Variants in UBR4 observed in about 807,000 individuals in gnomAD.
UBR4 encodes ubiquitin protein ligase E3 component n-recognin 4, also known as E3 ubiquitin-protein ligase UBR4.
Under a neutral mutation model 575.6 loss-of-function variants are expected in UBR4, and 124 were observed. That is an observed-to-expected ratio of 0.22 (90% CI 0.19 to 0.25). The LOEUF (loss-of-function observed/expected upper bound fraction) is 0.25. UBR4 is among the 10% of genes least tolerant of loss of function. The pLI, the probability that UBR4 is intolerant of heterozygous loss-of-function variation, is 1.00. For missense variants in UBR4, 4,818 were observed against 6,478.8 expected (o/e 0.74, Z 8.80); for synonymous variants, 2,455 against 2,473.7 (o/e 0.99, Z 0.22).
At chr1:19,121,697 C>T (rs2081196714) in intron 67 of UBR4, among the ~76,000 whole-genome samples, 1 of 152,208 alleles carries the variant, frequency 6.6e-6, no homozygotes, top group Admixed American at 6.5e-5. Context: ...ACTTTACTGC[C>T]ACTACCTGGA....
At chr1:19,099,828 C>G in intron 89 of UBR4, 151 bp from the exon 90 acceptor site, 1 of 654,958 alleles carries the variant, frequency 1.5e-6, no homozygotes, top group Non-Finnish European at 2.5e-6. Flanking sequence ...AAAATCCGCA[C>G]GTATGAAAAA....
Position 19,157,099 on chromosome 1 carries a change from T to C in UBR4, c.5761-174A>G, listed in dbSNP as rs10753518. The stretch of plus-strand genomic sequence containing the variant: ...GTCTCTATTACTCCTGGCTAAAAGC[T>C]ATGGAATGTATTTCCATGGAGGACA... On this transcript the variant is annotated intron_variant, in intron 40 of 105. Coordinates refer to ENST00000375254, the MANE Select transcript of UBR4 (RefSeq NM_020765.3). This position sits in a 1 kb window ranked among gnomAD's most constrained non-coding sequence, Gnocchi z 4.4. Among the ~76,000 whole-genome samples the C allele has an allele frequency of 0.48, 72,545 of 152,076 alleles. 17,918 individuals carry two copies. Among genetic ancestry groups the C allele is most frequent in the East Asian group, 0.8 (4,133 of 5,170 alleles).
In UBR4 at chr1:19,110,629, T is replaced by C. The variant is rs1439799949; in HGVS notation, c.11892+113A>G. The C allele has an allele frequency of 2.2e-6, 3 of 1,395,178 alleles. No homozygotes were observed. The East Asian group carries it at 6.8e-5, about 32-fold the overall frequency. 86.4% of individuals were successfully genotyped at this position (1,395,178 alleles called of 1,614,324 possible). ...CCCTGGGAAAACCATTCTGGGGTAA[T>C]GTTCTGCTCCTTCCCTCCTCAGTCA... On this transcript the variant is annotated intron_variant, in intron 79 of 105. Transcript: ENST00000375254. This position sits in a 1 kb window ranked among gnomAD's most constrained non-coding sequence, Gnocchi z 4.5.
intron 1 of UBR4, among the ~76,000 whole-genome samples, chr1:19,209,835 C>A (rs988000631): frequency 2.0e-5 from 3 of 152,192 alleles, no homozygotes; most frequent in African/African-American, 7.2e-5. Flanking sequence ...CACGCCCTCC[C>A]GCAGGGAGGC....
chr1:19,076,675 C>A (rs2148381071), intron 105 of UBR4, 65 bp downstream of exon 105: 102 of 1,606,232 alleles, frequency 6.4e-5, no homozygotes, highest in Non-Finnish European at 8.6e-5. Flanking sequence ...CTACGGATGA[C>A]CCACGGAGGA....
intron 49 of UBR4, chr1:19,149,685 T>C: frequency 8.2e-7 from 1 of 1,218,576 alleles, no homozygotes; most frequent in Non-Finnish European, 1.1e-6. Context: ...GCAGAATCAA[T>C]GCAAAGCCAC....
At chr1:19,104,542 CAG>C (rs1451762367) in intron 86 of UBR4, 41 bp downstream of exon 86, 1 of 1,603,528 alleles carries the variant, frequency 6.2e-7, no homozygotes, top group East Asian at 2.2e-5. Context: ...TGTCCCTAAA[CAG>C]ATTCAGGATG....
In UBR4 at chr1:19,097,210, G is replaced by A; in HGVS notation, c.13373C>T (p.Ser4458Phe). The change falls in exon 91 of 106, where the codon TCC (serine) becomes TTC (phenylalanine). Residue 4458 changes from serine (S) to phenylalanine (F), a missense_variant. Physicochemically the swap from Ser to Phe is radical, Grantham distance 155. Coordinates refer to ENST00000375254, the MANE Select transcript of UBR4 (RefSeq NM_020765.3). ...TGATCTACCTGTAGTAGAGTCCAGG[G>A]ACTCAATGAACTCCTCTGTGGCATC... ...LGDATEEFIE[S>F]LDSTTDEEED... 6.2e-7 allele frequency: 1 copy of A among 1,613,566 alleles called. No individual in the cohort carries two copies. Among genetic ancestry groups the A allele is most frequent in the Non-Finnish European group, 8.5e-7 (1 of 1,179,784 alleles).
Position 19,110,561 on chromosome 1 carries a change from C to G in UBR4, c.11893-97G>C, listed in dbSNP as rs954909111. On this transcript the variant is annotated intron_variant, in intron 79 of 105. Transcript: ENST00000375254. This position sits in a 1 kb window ranked among gnomAD's most constrained non-coding sequence, Gnocchi z 4.5. The stretch of plus-strand genomic sequence containing the variant: ...AATTTCTGGTCCTAGGTGGCTCCAA[C>G]AGAGACAAAGGACAGACGGAGACCC... 5.6e-6 allele frequency: 8 copies of G among 1,420,970 alleles called. No homozygotes were observed. In the African/African-American group the frequency reaches 9.9e-5, roughly 18 times the overall value. The allele number at this position is 1,420,970 out of a possible 1,614,324, so 88.0% of individuals were successfully genotyped here. A position where few individuals can be genotyped will look rare whatever the true frequency, so the allele number is the denominator to read the frequency against.
intron 1 of UBR4, among the ~76,000 whole-genome samples, chr1:19,204,059 C>T (rs904897359): frequency 1.3e-5 from 2 of 152,152 alleles, no homozygotes; most frequent in African/African-American, 4.8e-5. Flanking sequence ...AATGTAGTGG[C>T]ACTATCTCAG....
chr1:19,107,019 A>G, intron 81 of UBR4, 53 bp from the exon 82 acceptor site: 1 of 1,601,198 alleles, frequency 6.2e-7, no homozygotes, highest in Admixed American at 1.7e-5. Context: ...CACCTGAGCC[A>G]TAGCCCCAAC....
intron 42 of UBR4, 98 bp from the exon 43 acceptor site, chr1:19,155,766 G>A (rs1374916303): frequency 2.0e-6 from 2 of 1,000,532 alleles, no homozygotes; most frequent in Non-Finnish European, 3.0e-6. Flanking sequence ...ACCAATAACA[G>A]GCATTCATTC....
In UBR4 at chr1:19,141,339, C is replaced by G; in HGVS notation, c.8488+8G>C. ...ATGGGCCGCTTTGTTCTTGGCATGG[C>G]CTTCTACCTTGTTGGTCCTGCTGCA... On this transcript the variant is annotated splice_region_variant and intron_variant, in intron 57 of 105. Transcript: ENST00000375254. 6.2e-7 allele frequency: 1 copy of G among 1,614,216 alleles called. No individual in the cohort carries two copies. The highest frequency in any genetic ancestry group is 8.5e-7 in the Non-Finnish European group (1 of 1,180,040).
At chr1:19,187,392 G>A in intron 12 of UBR4, 49 bp downstream of exon 12, 1 of 1,612,166 alleles carries the variant, frequency 6.2e-7, no homozygotes, top group Non-Finnish European at 8.5e-7. Context: ...TTGGCCAGAA[G>A]TGGATCCCGC....
In UBR4 at chr1:19,118,894, G is replaced by A; in HGVS notation, c.10519C>T (p.His3507Tyr). The change falls in exon 71 of 106, where the codon CAC becomes TAC. Residue 3507 changes from histidine to tyrosine, a missense_variant. By Grantham distance (83) the His-to-Tyr change is moderately conservative. Around this residue, in one of 29 missense-constraint regions of UBR4, gnomAD observed 550 missense variants for 791.5 expected, o/e 0.69. Coordinates refer to ENST00000375254, the MANE Select transcript of UBR4 (RefSeq NM_020765.3). ...LRTQNHILTN[H>Y]PNSNIYNTLS... is the part of the protein sequence containing the mutation. ...CACTTATAAATGTTCGAGTTGGGGT[G>A]GTTGGTAAGAATATGGTTTTGAGTC... is the stretch of plus-strand genomic sequence containing the variant. The A allele has an allele frequency of 6.2e-7, 1 of 1,614,156 alleles. No individual in the cohort carries two copies. Among genetic ancestry groups the A allele is most frequent in the African/African-American group, 1.3e-5 (1 of 75,030 alleles).
At chr1:19,168,807 C>T (rs564606040) in intron 27 of UBR4, among the ~76,000 whole-genome samples, 1 of 152,118 alleles carries the variant, frequency 6.6e-6, no homozygotes, top group East Asian at 1.9e-4. Context: ...GAAACCCCGT[C>T]TCTACTAAAA....
rs751063065 is a variant in UBR4 at position 19,161,126 on chromosome 1, TAGG to T, written c.5194_5196del (p.Pro1732del). On this transcript the variant is annotated inframe_deletion, in exon 38 of 106. Coordinates refer to ENST00000375254, the MANE Select transcript of UBR4 (RefSeq NM_020765.3). ...TTCATGGTAGAGCTCATGCCACTGC[TAGG>T]AGTTCTCTTCACCAGAGCCTAGGGA... 3 of 1,613,990 alleles carry T rather than the reference TAGG, an allele frequency of 1.9e-6. No individual in the cohort carries two copies. Among genetic ancestry groups the T allele is most frequent in the Admixed American group, 1.7e-5 (1 of 59,996 alleles).
chr1:19,158,254 A>G (rs2086720520), intron 39 of UBR4, among the ~76,000 whole-genome samples: 1 of 152,226 alleles, frequency 6.6e-6, no homozygotes, highest in African/African-American at 2.4e-5. Context: ...AAAATGTCCA[A>G]TCTCTTACAA....
chr1:19,138,023 C>A lies in UBR4; in HGVS notation c.8890G>T (p.Val2964Phe). ...GGTCTTGACCTGTTGCTAGTGTGGA[C>A]ATCTCCTTCAGTTTCTCCTTCTCCT... ...GEGEGETEGDVHTSNRLHMVR... is the reference protein window; with the variant it reads ...GEGEGETEGDFHTSNRLHMVR... Residue 2964 changes from valine to phenylalanine, a missense_variant, in exon 60 of 106, where the codon GTC (valine) becomes TTC (phenylalanine). Transcript: ENST00000375254. 6.4e-7 allele frequency: 1 copy of A among 1,559,286 alleles called. No individual in the cohort carries two copies. Among genetic ancestry groups the A allele is most frequent in the South Asian group, 1.2e-5 (1 of 82,326 alleles).
Sources: allele counts gnomAD v4.1 joint callset (sites outside exome capture counted in the v4.1 genomes callset), GRCh38; gene constraint gnomAD v4.1.1; regional missense constraint gnomAD v4.1.1; non-coding constraint Gnocchi (gnomAD v3.1); transcripts MANE v1.5; gene names NCBI Gene and HGNC (gene_info 2026-07-23, HGNC 2026-07-21).